Variants in RSF1 observed in about 807,000 individuals in gnomAD.
The protein encoded by RSF1 is remodeling and spacing factor 1.
Under a neutral mutation model 145.2 loss-of-function variants are expected in RSF1, and 13 were observed. The ratio of observed to expected loss-of-function variants is 0.09; its 90% confidence interval spans 0.06 to 0.14. The LOEUF is 0.14. Among genes scored for constraint, RSF1 ranks in the 10% least tolerant of loss-of-function variants. The pLI is 1.00. For synonymous variants in RSF1, 577 were observed against 592.6 expected, an observed-to-expected ratio of 0.97 and a Z score of 0.38; for missense variants, 1,517 against 1,718.2, an observed-to-expected ratio of 0.88 and a Z score of 2.07.
rs529925835 is a variant in RSF1, at chr11:77,675,001, T to C, written c.3562+35A>G. ...GCAACAAGAAAAACAAAAAATAATT[T>C]ATTGAGCTACCATATGGTTACAGAT... On this transcript the variant is annotated intron_variant, in intron 14 of 15. Coordinates refer to ENST00000308488, the MANE Select transcript of RSF1 (RefSeq NM_016578.4). 12 of 1,502,558 alleles carry C rather than the reference T, an allele frequency of 8.0e-6. No homozygotes were observed. The South Asian group carries it at 1.4e-4, about 18-fold the overall frequency. The allele number at this position is 1,502,558 out of a possible 1,614,324, so 93.1% of individuals were successfully genotyped here. A position where few individuals can be genotyped will look rare whatever the true frequency, so the allele number is the denominator to read the frequency against.
At chr11:77,771,632 A>C (rs1948286824) in intron 1 of RSF1, among the ~76,000 whole-genome samples, 1 of 152,232 alleles carries the variant, frequency 6.6e-6, no homozygotes, top group Non-Finnish European at 1.5e-5. Context: ...ATCTGTTTGA[A>C]ATAATCTAGG....
chr11:77,801,645 G>A (rs1044258173), intron 1 of RSF1, among the ~76,000 whole-genome samples: 3 of 151,900 alleles, frequency 2.0e-5, no homozygotes, highest in Admixed American at 6.6e-5. Flanking sequence ...CTTAAATCCC[G>A]TGGAATTTCC....
intron 1 of RSF1, among the ~76,000 whole-genome samples, chr11:77,772,544 T>C (rs1948296822): frequency 1.3e-5 from 2 of 152,060 alleles, no homozygotes; most frequent in Non-Finnish European, 2.9e-5. Context: ...ATAACAACTA[T>C]TATATTACTA....
At chr11:77,708,835 G>T (rs374500837) in intron 5 of RSF1, among the ~76,000 whole-genome samples, 3 of 152,090 alleles carry the variant, frequency 2.0e-5, no homozygotes, top group African/African-American at 7.2e-5. Flanking sequence ...CAGCTATATT[G>T]CTAACCTTGT....
the RSF1 span, among the ~76,000 whole-genome samples, chr11:77,841,959 T>C: frequency 6.6e-6 from 1 of 152,220 alleles, no homozygotes. Context: ...TGCCCCAACC[T>C]ACTTGAACTT....
At chr11:77,837,660 T>G in the RSF1 span, among the ~76,000 whole-genome samples, 1 of 152,302 alleles carries the variant, frequency 6.6e-6, no homozygotes, top group East Asian at 1.9e-4. Context: ...GGTCTTGAAC[T>G]CCTGACCTCA....
At chr11:77,858,830 G>A in the RSF1 span, among the ~76,000 whole-genome samples, 5 of 152,262 alleles carry the variant, frequency 3.3e-5, no homozygotes, top group South Asian at 2.1e-4. Context: ...GGACTGCATC[G>A]GGGACTCCAT....
upstream of RSF1, among the ~76,000 whole-genome samples, chr11:77,822,570 C>T (rs555804132): frequency 6.6e-6 from 1 of 152,080 alleles, no homozygotes; most frequent in African/African-American, 2.4e-5. Context: ...TTTTTTTCTT[C>T]ATTTCCAGGT....
the RSF1 span, among the ~76,000 whole-genome samples, chr11:77,844,891 T>C: frequency 6.6e-6 from 1 of 152,224 alleles, no homozygotes; most frequent in Non-Finnish European, 1.5e-5. Context: ...TAGATTTCTT[T>C]GATCAATCGT....
At chr11:77,793,755 C>A (rs185283530) in intron 1 of RSF1, among the ~76,000 whole-genome samples, 1 of 152,208 alleles carries the variant, frequency 6.6e-6, no homozygotes, top group East Asian at 1.9e-4. Context: ...GCTCCATGTG[C>A]GTCCCTCCAG....
chr11:77,687,793 C>T (rs2135833660), intron 9 of RSF1, among the ~76,000 whole-genome samples: 1 of 152,274 alleles, frequency 6.6e-6, no homozygotes, highest in South Asian at 2.1e-4. Flanking sequence ...GTAATATAAA[C>T]AAATATTGTG....
rs1959321317 is a variant in RSF1, at chr11:77,664,791, T to A, written c.*2126A>T. 6.6e-6 allele frequency: 1 copy of A among 152,168 alleles called. No individual in the cohort carries two copies. Among genetic ancestry groups the A allele is most frequent in the African/African-American group, 2.4e-5 (1 of 41,440 alleles). 9.4% of individuals were successfully genotyped at this position (152,168 alleles called of 1,614,324 possible). On this transcript the variant is annotated 3_prime_UTR_variant, in exon 16 of 16. Transcript: ENST00000308488. ...AATTCTTAGCTGACTTGCAAATAAA[T>A]AAAACAAACCTAGCTGGAAAGGAGA...
At chr11:77,782,439 G>GCTAA (rs768737501) in intron 1 of RSF1, among the ~76,000 whole-genome samples, 106 of 152,206 alleles carry the variant, frequency 7.0e-4, no homozygotes, top group Admixed American at 1.2e-3. Flanking sequence ...TACTCAGGAG[G>GCTAA]CTAAGGCAGG....
At chr11:77,748,727 T>C (rs1398561085) in intron 2 of RSF1, among the ~76,000 whole-genome samples, 2 of 152,180 alleles carry the variant, frequency 1.3e-5, no homozygotes, top group African/African-American at 4.8e-5. Flanking sequence ...GAATGTAAAA[T>C]GGTGCAGTTG....
the RSF1 span, among the ~76,000 whole-genome samples, chr11:77,870,520 G>A: frequency 2.6e-5 from 4 of 151,412 alleles, no homozygotes; most frequent in Non-Finnish European, 1.5e-5. Context: ...TGTATTTTTA[G>A]TAGAGACGGG....
At chr11:77,767,808 T>C (rs1161234315) in intron 1 of RSF1, among the ~76,000 whole-genome samples, 3 of 152,234 alleles carry the variant, frequency 2.0e-5, no homozygotes, top group African/African-American at 4.8e-5. Flanking sequence ...GTTTTACTCA[T>C]GTTCCCCACC....
rs922565844 is a variant in RSF1 at position 77,660,967 on chromosome 11, T to TA, written c.*5949dup. On this transcript the variant is annotated 3_prime_UTR_variant, in exon 16 of 16. Coordinates refer to ENST00000308488, the MANE Select transcript of RSF1 (RefSeq NM_016578.4). ...AAACGAAGCTGTGAATATACCATGG[T>TA]AAAATGTGCCATGTAAAAGACTGTG... 7 of 152,152 alleles carry TA rather than the reference T, an allele frequency of 4.6e-5. No homozygotes were observed. The highest frequency in any genetic ancestry group is 1.4e-4 in the African/African-American group (6 of 41,436). The allele number at this position is 152,152 out of a possible 1,614,324, so 9.4% of individuals were successfully genotyped here. A position where few individuals can be genotyped will look rare whatever the true frequency, so the allele number is the denominator to read the frequency against.
chr11:77,867,392 T>C, the RSF1 span, among the ~76,000 whole-genome samples: 2 of 152,204 alleles, frequency 1.3e-5, no homozygotes, highest in Non-Finnish European at 2.9e-5. Context: ...CTTGGGTTTA[T>C]TCACTCTGTC....
At chr11:77,675,352 C>T in intron 13 of RSF1, 96 bp from the exon 14 acceptor site, 2 of 889,014 alleles carry the variant, frequency 2.2e-6, no homozygotes, top group Non-Finnish European at 3.4e-6. Flanking sequence ...CCCAGTGAAT[C>T]ATTAAGTATA....
Sources: gnomAD v4.1 joint callset for allele counts (sites outside exome capture counted in the v4.1 genomes callset) on GRCh38, gnomAD v4.1.1 for gene constraint, MANE v1.5 for transcripts, NCBI Gene and HGNC (gene_info 2026-07-23, HGNC 2026-07-21) for gene names.